The following UNC5D variants were observed in gnomAD, a reference collection of about 807,000 sequenced individuals.
UNC5D encodes unc-5 netrin receptor D.
In UNC5D, 39 loss-of-function variants were observed where a neutral mutation model predicts 105.4. The observed-to-expected ratio is 0.37, with a 90% confidence interval of 0.29 to 0.48. UNC5D has a LOEUF of 0.48. Among genes scored for constraint, UNC5D ranks in the 20% least tolerant of loss-of-function variants. UNC5D has a pLI of 0.98. For missense variants in UNC5D, 991 were observed against 1,202.4 expected, an observed-to-expected ratio of 0.82 and a Z score of 2.60; for synonymous variants, 452 against 450.4, an observed-to-expected ratio of 1.00 and a Z score of -0.04.
chr8:35,453,456 C>T (rs1046182969), intron 1 of UNC5D, among the ~76,000 whole-genome samples: 1 of 152,110 alleles, frequency 6.6e-6, no homozygotes, highest in Non-Finnish European at 1.5e-5. Flanking sequence ...CCCCTGGTCA[C>T]GTCAATCTAA....
chr8:35,341,514 T>C (rs1811455379), intron 1 of UNC5D, among the ~76,000 whole-genome samples: 1 of 151,960 alleles, frequency 6.6e-6, no homozygotes, highest in Non-Finnish European at 1.5e-5. Flanking sequence ...GAACTGATCA[T>C]TGGATATACT....
chr8:35,296,644 C>G (rs1807510458), intron 1 of UNC5D, among the ~76,000 whole-genome samples: 2 of 152,178 alleles, frequency 1.3e-5, no homozygotes, highest in African/African-American at 4.8e-5. Flanking sequence ...TGGTCTCGAA[C>G]TCCTGACCTC....
intron 1 of UNC5D, among the ~76,000 whole-genome samples, chr8:35,267,956 C>T (rs1272349939): frequency 6.6e-6 from 1 of 151,996 alleles, no homozygotes; most frequent in Non-Finnish European, 1.5e-5. Context: ...TCTGATGTTT[C>T]TCATCATCAT....
At chr8:35,673,390 A>G (rs1242544164) in intron 4 of UNC5D, among the ~76,000 whole-genome samples, 1 of 152,224 alleles carries the variant, frequency 6.6e-6, no homozygotes, top group African/African-American at 2.4e-5. Flanking sequence ...GAGACTTATT[A>G]GACAATGCCA....
In UNC5D at chr8:35,276,641, T is replaced by C. The variant is rs1043757999; in HGVS notation, c.103+40754T>C. Among the ~76,000 whole-genome samples, 3 of 152,208 alleles carry C rather than the reference T, an allele frequency of 2.0e-5. No homozygotes were observed. The East Asian group carries it at 5.8e-4, about 29-fold the overall frequency. ...TTCTGAGTTATGATATAATCTCCCA[T>C]GTAGGTCTGTATGCAAGAAGAAATC... On this transcript the variant is annotated intron_variant, in intron 1 of 16. Transcript: ENST00000404895.
chr8:35,422,672 G>A (rs551928655), intron 1 of UNC5D, among the ~76,000 whole-genome samples: 2 of 152,282 alleles, frequency 1.3e-5, no homozygotes, highest in South Asian at 2.1e-4. Context: ...ACATGGTTTG[G>A]CATCACTTGA....
chr8:35,412,281 T>C (rs1432467173), intron 1 of UNC5D, among the ~76,000 whole-genome samples: 1 of 152,040 alleles, frequency 6.6e-6, no homozygotes, highest in Non-Finnish European at 1.5e-5. Flanking sequence ...CTGACAGTAA[T>C]GGGGAGAAAA....
intron 8 of UNC5D, among the ~76,000 whole-genome samples, chr8:35,720,766 C>CG (rs1828533424): frequency 6.6e-6 from 1 of 152,018 alleles, no homozygotes; most frequent in Non-Finnish European, 1.5e-5. Context: ...TAAATCACAC[C>CG]CTGTTTCTCA....
chr8:35,423,200 T>C (rs1806027616), intron 1 of UNC5D, among the ~76,000 whole-genome samples: 1 of 152,298 alleles, frequency 6.6e-6, no homozygotes, highest in African/African-American at 2.4e-5. Context: ...GAGAACATGG[T>C]TGTGTTGAGC....
rs1395660708 is a variant in UNC5D at position 35,792,332 on chromosome 8, T to G, written c.*1769T>G. ...TGTTGGCCATTTTCTCTAACTAACATGTGGTATGTATGGTCCCCTATATTA... is the reference window on the plus strand; with the variant it reads ...TGTTGGCCATTTTCTCTAACTAACAGGTGGTATGTATGGTCCCCTATATTA... On this transcript the variant is annotated 3_prime_UTR_variant, in exon 17 of 17. Transcript: ENST00000404895. 2 of 152,148 alleles carry G rather than the reference T, an allele frequency of 1.3e-5. No individual in the cohort carries two copies. Among genetic ancestry groups the G allele is most frequent in the Admixed American group, 1.3e-4 (2 of 15,250 alleles). The allele number at this position is 152,148 out of a possible 1,614,324, so 9.4% of individuals were successfully genotyped here. A position where few individuals can be genotyped will look rare whatever the true frequency, so the allele number is the denominator to read the frequency against.
In UNC5D at chr8:35,725,756, G is replaced by A. The variant is rs540595174; in HGVS notation, c.1304-396G>A. 2.6e-4 allele frequency among the ~76,000 whole-genome samples: 39 copies of A among 152,172 alleles called. No homozygotes were observed. The South Asian group carries it at 7.9e-3, about 31-fold the overall frequency. On this transcript the variant is annotated intron_variant, in intron 9 of 16. Transcript: ENST00000404895. ...TTTAAAATGAACAGATGTTATTTTTGCTCAAAACTTGACTGCAAAACATCT... is the reference window on the plus strand; with the variant it reads ...TTTAAAATGAACAGATGTTATTTTTACTCAAAACTTGACTGCAAAACATCT...
chr8:35,754,680 A>G (rs138904504), intron 13 of UNC5D, among the ~76,000 whole-genome samples: 360 of 152,294 alleles, frequency 2.4e-3, no homozygotes, highest in African/African-American at 8.1e-3. Context: ...CAGTATCTAA[A>G]TAGGGACATT....
At chr8:35,259,137 A>C (rs1804274127) in intron 1 of UNC5D, among the ~76,000 whole-genome samples, 1 of 152,194 alleles carries the variant, frequency 6.6e-6, no homozygotes, top group African/African-American at 2.4e-5. Context: ...TCTAAACTCC[A>C]GTCCTTTCGA....
intron 1 of UNC5D, among the ~76,000 whole-genome samples, chr8:35,455,889 G>A (rs1170507552): frequency 1.3e-5 from 2 of 152,108 alleles, no homozygotes; most frequent in African/African-American, 4.8e-5. Flanking sequence ...ATTATGTCCT[G>A]CTGGGGCCCT....
intron 1 of UNC5D, among the ~76,000 whole-genome samples, chr8:35,350,447 A>G (rs895998067): frequency 6.6e-6 from 1 of 152,042 alleles, no homozygotes; most frequent in African/African-American, 2.4e-5. Flanking sequence ...CCTAGCATGT[A>G]GTAGGCATAC....
chr8:35,789,893 A>ACACACAC (rs879701613), intron 16 of UNC5D, among the ~76,000 whole-genome samples: 200 of 130,904 alleles, frequency 1.5e-3, no homozygotes, highest in African/African-American at 6.8e-3. Context: ...AGTCAAGAAG[A>ACACACAC]AAACACACAC....
chr8:35,683,663 C>T lies in UNC5D; in HGVS notation c.687C>T (p.Tyr229=), dbSNP rs752950945. The T allele has an allele frequency of 1.5e-5, 23 of 1,572,614 alleles. No individual in the cohort carries two copies. The South Asian group carries it at 2.4e-4, about 16-fold the overall frequency. Residue 229 remains tyrosine (Y), a synonymous_variant, in exon 5 of 17, where the codon TAC becomes TAT. Transcript: ENST00000404895. ...RQARLSDSGN[Y]TCMAANIVAK... is the part of the protein sequence containing the mutation. Reference sequence around the variant, plus strand: ...CACGGCTCTCGGACTCAGGAAATTACACCTGCATGGCAGCCAACATCGTGG... The same window carrying T: ...CACGGCTCTCGGACTCAGGAAATTATACCTGCATGGCAGCCAACATCGTGG...
At chr8:35,737,740 T>C (rs1033644658) in intron 11 of UNC5D, among the ~76,000 whole-genome samples, 4 of 152,280 alleles carry the variant, frequency 2.6e-5, no homozygotes, top group South Asian at 4.2e-4. Context: ...CTGGAACTCA[T>C]TGAAGTGAAC....
chr8:35,755,470 T>TTGTGTGTGTGTGTGTGTGTG (rs1174658022), intron 13 of UNC5D, among the ~76,000 whole-genome samples: 1 of 139,758 alleles, frequency 7.2e-6, no homozygotes, highest in African/African-American at 3.2e-5. Context: ...GCGACATAAT[T>TTGTGTGTGTGTGTGTGTGTG]TGTGTGTATG....
Sources: allele counts gnomAD v4.1 joint callset (sites outside exome capture counted in the v4.1 genomes callset), GRCh38; gene constraint gnomAD v4.1.1; transcripts MANE v1.5; gene names NCBI Gene and HGNC (gene_info 2026-07-23, HGNC 2026-07-21).